KLRG1: variants seen among roughly 807,000 people sequenced by gnomAD.
KLRG1 encodes killer cell lectin-like receptor subfamily G member 1.
A neutral mutation model predicts 21.8 loss-of-function variants in KLRG1; 16 were observed. The ratio of observed to expected loss-of-function variants is 0.73; its 90% CI spans 0.50 to 1.11. KLRG1 has a LOEUF of 1.11. Ranked by LOEUF, KLRG1 falls within the 50% of genes most tolerant of loss-of-function variation. The pLI is 0.00. For missense variants in KLRG1, 173 were observed against 218.3 expected, an observed-to-expected ratio of 0.79 and a Z score of 1.31; for synonymous variants, 69 against 75.9, an observed-to-expected ratio of 0.91 and a Z score of 0.47.
the KLRG1 span, chr12:9,157,424 A>G: frequency 7.1e-7 from 1 of 1,400,970 alleles, no homozygotes. Context: ...AGAGCTGGAT[A>G]TTGACAGTCA....
the KLRG1 span, among the ~76,000 whole-genome samples, chr12:9,040,335 C>T: frequency 1.3e-5 from 2 of 152,134 alleles, no homozygotes; most frequent in Admixed American, 6.5e-5. Flanking sequence ...TCTGTTTAAG[C>T]GCCTTCTGTG....
At chr12:9,064,515 G>C in the KLRG1 span, 3 of 155,350 alleles carry the variant, frequency 1.9e-5, no homozygotes, top group Admixed American at 6.5e-5. This position sits in a 1 kb window ranked among gnomAD's most constrained non-coding sequence, Gnocchi z 4.0. Flanking sequence ...CCACCGCTCC[G>C]GACCCTGGCC....
chr12:9,180,861 G>A, the KLRG1 span: 6 of 1,003,004 alleles, frequency 6.0e-6, no homozygotes, highest in Non-Finnish European at 8.5e-6. Context: ...GAGTGAACAG[G>A]CAACCTACAA....
At chr12:9,201,264 A>G in the KLRG1 span, 1 of 1,418,994 alleles carries the variant, frequency 7.0e-7, no homozygotes. Flanking sequence ...CTAGAGTATT[A>G]TCAGAACCTC....
At chr12:9,189,165 A>G in the KLRG1 span, among the ~76,000 whole-genome samples, 1 of 152,242 alleles carries the variant, frequency 6.6e-6, no homozygotes, top group Non-Finnish European at 1.5e-5. Context: ...TGTATATGGA[A>G]CTAAAAAAAG....
the KLRG1 span, among the ~76,000 whole-genome samples, chr12:9,091,876 GA>G: frequency 6.6e-6 from 1 of 152,136 alleles, no homozygotes; most frequent in African/African-American, 2.4e-5. Flanking sequence ...CCATTTTCTG[GA>G]AATCTTAGAA....
At chr12:9,027,205 T>C in the KLRG1 span, among the ~76,000 whole-genome samples, 1 of 151,976 alleles carries the variant, frequency 6.6e-6, no homozygotes, top group Non-Finnish European at 1.5e-5. Context: ...AAAAGAGACG[T>C]TTATTCAGCC....
chr12:9,154,687 T>C, the KLRG1 span: 132 of 1,614,086 alleles, frequency 8.2e-5, 2 homozygotes, highest in African/African-American at 1.5e-3. Context: ...GTTGCAGAGG[T>C]CAGGTCCCCT....
At chr12:8,975,075 T>C (rs940159139) in intron 1 of KLRG1, among the ~76,000 whole-genome samples, 2 of 151,978 alleles carry the variant, frequency 1.3e-5, no homozygotes, top group Non-Finnish European at 2.9e-5. Context: ...TTTTTTTGTA[T>C]TTTTAGTAGA....
the KLRG1 span, among the ~76,000 whole-genome samples, chr12:9,174,449 A>G: frequency 6.6e-6 from 1 of 152,228 alleles, no homozygotes; most frequent in African/African-American, 2.4e-5. Flanking sequence ...CCCATTCAAC[A>G]TAGTATTGGA....
chr12:9,042,124 A>C, the KLRG1 span, among the ~76,000 whole-genome samples: 4 of 152,342 alleles, frequency 2.6e-5, no homozygotes, highest in East Asian at 7.7e-4. Flanking sequence ...GCTTGTGATA[A>C]GGTGGCTAAG....
At chr12:8,964,552 C>A (rs1946433707) in intron 1 of KLRG1, among the ~76,000 whole-genome samples, 1 of 151,920 alleles carries the variant, frequency 6.6e-6, no homozygotes, top group Admixed American at 6.6e-5. Context: ...TCTATTAGGT[C>A]CGCTTGGTGC....
chr12:9,003,062 C>T (rs1947353505), intron 3 of KLRG1, among the ~76,000 whole-genome samples: 1 of 151,984 alleles, frequency 6.6e-6, no homozygotes, highest in Non-Finnish European at 1.5e-5. Flanking sequence ...TCCAGCCTCA[C>T]CAATGAGAAG....
the KLRG1 span, among the ~76,000 whole-genome samples, chr12:9,040,659 T>C: frequency 6.6e-6 from 1 of 152,242 alleles, no homozygotes; most frequent in Non-Finnish European, 1.5e-5. Context: ...GTGTGGTCTG[T>C]GACATCACAG....
upstream of KLRG1, among the ~76,000 whole-genome samples, chr12:8,988,703 C>T (rs1177601103): frequency 6.6e-6 from 1 of 152,104 alleles, no homozygotes; most frequent in East Asian, 1.9e-4. Flanking sequence ...GCCTCAGCCT[C>T]CTGAGCAGCT....
the KLRG1 span, among the ~76,000 whole-genome samples, chr12:9,132,192 CT>C: frequency 6.6e-6 from 1 of 152,210 alleles, no homozygotes; most frequent in Non-Finnish European, 1.5e-5. Context: ...GGCCTTGGTC[CT>C]CATCAGCATT....
chr12:9,187,639 C>G, the KLRG1 span, among the ~76,000 whole-genome samples: 2 of 152,104 alleles, frequency 1.3e-5, no homozygotes, highest in Admixed American at 6.5e-5. Flanking sequence ...CCAGTAAGAA[C>G]AAAGATACAA....
the KLRG1 span, among the ~76,000 whole-genome samples, chr12:9,206,317 A>T: frequency 1.3e-5 from 2 of 151,940 alleles, no homozygotes; most frequent in Admixed American, 6.6e-5. Context: ...TATCACGATT[A>T]AAAATTAATT....
At chr12:9,207,902 A>G in the KLRG1 span, among the ~76,000 whole-genome samples, 1 of 152,224 alleles carries the variant, frequency 6.6e-6, no homozygotes, top group South Asian at 2.1e-4. Flanking sequence ...TTCTGTATAT[A>G]TATATATGGC....
Sources: gnomAD v4.1 joint callset for allele counts (sites outside exome capture counted in the v4.1 genomes callset) on GRCh38, gnomAD v4.1.1 for gene constraint, Gnocchi (gnomAD v3.1) non-coding constraint, MANE v1.5 for transcripts, NCBI Gene and HGNC (gene_info 2026-07-23, HGNC 2026-07-21) for gene names.